CACNB2: variants seen among roughly 807,000 people sequenced by gnomAD.
CACNB2 encodes the protein calcium voltage-gated channel auxiliary subunit beta 2.
CACNB2 carries 42 observed loss-of-function variants against 73.3 expected under a neutral mutation model. The observed-to-expected ratio is 0.57, with a 90% CI of 0.45 to 0.74. The LOEUF (loss-of-function observed/expected upper bound fraction) is 0.74. CACNB2 is among the 30% of genes least tolerant of loss of function. The pLI is 0.00. For synonymous variants in CACNB2, 348 were observed against 310.3 expected, an observed-to-expected ratio of 1.12 and a Z score of -1.28; for missense variants, 940 against 853.0, an observed-to-expected ratio of 1.10 and a Z score of -1.27.
At chr10:18,409,397 C>G (rs1324566880) in intron 3 of CACNB2, among the ~76,000 whole-genome samples, 1 of 152,096 alleles carries the variant, frequency 6.6e-6, no homozygotes, top group African/African-American at 2.4e-5. Context: ...CTCAACCTCC[C>G]AAACTGCTGG....
At chr10:18,495,844 A>C (rs1362267704) in intron 3 of CACNB2, among the ~76,000 whole-genome samples, 1 of 152,114 alleles carries the variant, frequency 6.6e-6, no homozygotes, top group East Asian at 1.9e-4. Flanking sequence ...AAAAATAGAA[A>C]CATCATACTC....
intron 3 of CACNB2, among the ~76,000 whole-genome samples, chr10:18,408,231 C>CTTTTTTTTT (rs71402161): frequency 2.1e-4 from 16 of 77,952 alleles, no homozygotes; most frequent in Non-Finnish European, 3.0e-4. Flanking sequence ...CTATCCCTGA[C>CTTTTTTTTT]TTTTTTTTTT....
chr10:18,359,375 G>A (rs1489840131), intron 2 of CACNB2, among the ~76,000 whole-genome samples: 1 of 152,108 alleles, frequency 6.6e-6, no homozygotes, highest in African/African-American at 2.4e-5. Flanking sequence ...AGGTTCAAGT[G>A]ATTCTCCCAC....
chr10:18,306,333 G>A (rs897690696), intron 2 of CACNB2, among the ~76,000 whole-genome samples: 3 of 152,182 alleles, frequency 2.0e-5, no homozygotes, highest in Admixed American at 6.5e-5. Flanking sequence ...TCTGGAGAAA[G>A]TAGAAGATAG....
intron 2 of CACNB2, among the ~76,000 whole-genome samples, chr10:18,310,797 G>T (rs2039936908): frequency 1.3e-5 from 2 of 151,552 alleles, no homozygotes; most frequent in Non-Finnish European, 2.9e-5. Context: ...TGGCCAGGGT[G>T]GTCTCGAACT....
intron 10 of CACNB2, among the ~76,000 whole-genome samples, chr10:18,530,731 G>A (rs1156487792): frequency 6.6e-6 from 1 of 152,160 alleles, no homozygotes; most frequent in African/African-American, 2.4e-5. Context: ...CGTAAGTCAT[G>A]GACTGTCTGC....
Position 18,539,582 on chromosome 10 carries a change from G to A in CACNB2, c.1841G>A (p.Arg614Gln), listed in dbSNP as rs367619172. Reference sequence around the variant, plus strand: ...CGGCACCGTTCCCGGGACGTGGATCGAGAGCAGGACCACAACGAGTGCAAC... The same window carrying A: ...CGGCACCGTTCCCGGGACGTGGATCAAGAGCAGGACCACAACGAGTGCAAC... ...ESRHRSRDVDREQDHNECNKQ... is the reference protein window; with the variant it reads ...ESRHRSRDVDQEQDHNECNKQ... The change falls in exon 14 of 14, where the codon CGA (arginine) becomes CAA (glutamine). Residue 614 changes from arginine to glutamine, a missense_variant. Transcript: ENST00000324631. 111 of 1,613,642 alleles carry A rather than the reference G, an allele frequency of 6.9e-5. 1 individual carries two copies. The highest frequency in any genetic ancestry group is 8.6e-5 in the Non-Finnish European group (102 of 1,179,972).
At chr10:18,149,203 G>C (rs940206908) in intron 1 of CACNB2, among the ~76,000 whole-genome samples, 4 of 151,970 alleles carry the variant, frequency 2.6e-5, no homozygotes, top group Admixed American at 2.6e-4. Context: ...ATTTTAAAGA[G>C]ATTTTCATAC....
At chr10:18,228,127 G>C (rs979141536) in intron 2 of CACNB2, among the ~76,000 whole-genome samples, 1 of 152,036 alleles carries the variant, frequency 6.6e-6, no homozygotes, top group African/African-American at 2.4e-5. Context: ...CATTTGGGGG[G>C]AAAAAGAAAA....
intron 3 of CACNB2, among the ~76,000 whole-genome samples, chr10:18,462,678 C>G (rs1252867889): frequency 6.6e-6 from 1 of 152,114 alleles, no homozygotes; most frequent in Non-Finnish European, 1.5e-5. Flanking sequence ...TTTAGCATCT[C>G]TTTTTACTGT....
intron 2 of CACNB2, among the ~76,000 whole-genome samples, chr10:18,304,435 T>A (rs1053010847): frequency 6.6e-6 from 1 of 152,264 alleles, no homozygotes; most frequent in Non-Finnish European, 1.5e-5. Context: ...TTAAATACAT[T>A]TTGTTTCAAA....
At chr10:18,372,497 C>A (rs1396124813) in intron 2 of CACNB2, among the ~76,000 whole-genome samples, 1 of 152,118 alleles carries the variant, frequency 6.6e-6, no homozygotes, top group African/African-American at 2.4e-5. Context: ...ACCTCTGCCT[C>A]CCAGGTTCAA....
chr10:18,421,351 A>G (rs1416440426), intron 3 of CACNB2, among the ~76,000 whole-genome samples: 1 of 150,896 alleles, frequency 6.6e-6, no homozygotes, highest in Non-Finnish European at 1.5e-5. Flanking sequence ...AGGCTGGAGT[A>G]CAATGGTGCA....
intron 2 of CACNB2, among the ~76,000 whole-genome samples, chr10:18,179,603 ATT>A (rs11291909): frequency 1.9e-4 from 28 of 146,912 alleles, no homozygotes; most frequent in Middle Eastern, 3.5e-3. Flanking sequence ...AAATCAGCAG[ATT>A]TTTTTTTTTT....
intron 2 of CACNB2, among the ~76,000 whole-genome samples, chr10:18,156,999 C>T (rs751414593): frequency 9.9e-5 from 15 of 151,230 alleles, no homozygotes; most frequent in African/African-American, 2.7e-4. Context: ...GCCGAGATTG[C>T]GCCATTGCAC....
At chr10:18,166,034 A>G (rs1253768962) in intron 2 of CACNB2, among the ~76,000 whole-genome samples, 1 of 152,162 alleles carries the variant, frequency 6.6e-6, no homozygotes, top group Non-Finnish European at 1.5e-5. Flanking sequence ...AATTGATCTT[A>G]TATTCGTAAT....
intron 2 of CACNB2, among the ~76,000 whole-genome samples, chr10:18,378,095 A>G (rs894643538): frequency 6.6e-6 from 1 of 152,042 alleles, no homozygotes; most frequent in African/African-American, 2.4e-5. Context: ...TTTGCATGGG[A>G]GGTGGGGTGT....
intron 2 of CACNB2, among the ~76,000 whole-genome samples, chr10:18,156,289 G>T (rs907878359): frequency 1.3e-5 from 2 of 152,202 alleles, no homozygotes; most frequent in African/African-American, 4.8e-5. Flanking sequence ...TACCTTGAAA[G>T]AATTTTTGCA....
chr10:18,527,926 G>C (rs188020896), intron 10 of CACNB2, among the ~76,000 whole-genome samples: 23 of 152,246 alleles, frequency 1.5e-4, no homozygotes, highest in African/African-American at 4.8e-4. Flanking sequence ...TTTTGGTTGT[G>C]GTTTGTTTTC....
Sources: gnomAD v4.1 joint callset for allele counts (sites outside exome capture counted in the v4.1 genomes callset) on GRCh38, gnomAD v4.1.1 for gene constraint, MANE v1.5 for transcripts, NCBI Gene and HGNC (gene_info 2026-07-23, HGNC 2026-07-21) for gene names.